BID: variants seen among roughly 807,000 people sequenced by gnomAD.
The protein encoded by BID is BH3-interacting domain death agonist.
In BID, 19 loss-of-function variants were observed where a neutral mutation model predicts 17.4. The ratio of observed to expected loss-of-function variants is 1.09; its 90% CI spans 0.76 to 1.60. The LOEUF (loss-of-function observed/expected upper bound fraction) is 1.60. Ranked by LOEUF, BID falls within the 40% of genes most tolerant of loss-of-function variation. The pLI is 0.00. For synonymous variants in BID, 108 were observed against 102.8 expected, an observed-to-expected ratio of 1.05 and a Z score of -0.31; for missense variants, 226 against 256.0, an observed-to-expected ratio of 0.88 and a Z score of 0.80.
chr22:17,736,486 C>T (rs987201917), intron 5 of BID, among the ~76,000 whole-genome samples: 1 of 150,306 alleles, frequency 6.7e-6, no homozygotes, highest in Non-Finnish European at 1.5e-5. Flanking sequence ...AATTCCCAAA[C>T]ATTCGCTAAT....
rs1482996740 is a variant in BID at position 17,735,081 on chromosome 22, C to CTAT, written c.*496_*498dup. On this transcript the variant is annotated 3_prime_UTR_variant, in exon 6 of 6. Transcript: ENST00000622694. The stretch of plus-strand genomic sequence containing the variant: ...TCCTTAGTATTAAGATAGATAGTCC[C>CTAT]TATTTTGAGTGGAATTTTTCATTTG... 6.5e-6 allele frequency: 1 copy of CTAT among 154,654 alleles called. No homozygotes were observed. Among genetic ancestry groups the CTAT allele is most frequent in the Non-Finnish European group, 1.4e-5 (1 of 69,786 alleles). 9.6% of individuals were successfully genotyped at this position (154,654 alleles called of 1,614,324 possible).
intron 1 of BID, among the ~76,000 whole-genome samples, chr22:17,752,024 G>A (rs1036319124): frequency 1.3e-5 from 2 of 152,212 alleles, no homozygotes; most frequent in Non-Finnish European, 1.5e-5. Flanking sequence ...TGGAATCCCC[G>A]CCCCTCACCA....
intron 4 of BID, among the ~76,000 whole-genome samples, chr22:17,738,649 C>A (rs1041586936): frequency 6.6e-6 from 1 of 152,124 alleles, no homozygotes; most frequent in African/African-American, 2.4e-5. Flanking sequence ...GACCGTCAGG[C>A]GGTCGGCGCA....
chr22:17,750,222 T>C (rs1309165491), intron 1 of BID, 48 bp from the exon 2 acceptor site: 1 of 1,521,650 alleles, frequency 6.6e-7, no homozygotes. Context: ...GAAGCCCTGG[T>C]CAGGACCCCT....
intron 1 of BID, among the ~76,000 whole-genome samples, chr22:17,751,378 C>CAA (rs771455561): frequency 3.7e-5 from 3 of 80,724 alleles, no homozygotes; most frequent in African/African-American, 8.7e-5. Context: ...GACTCCGTCT[C>CAA]AAAAAAAAAA....
intron 2 of BID, among the ~76,000 whole-genome samples, chr22:17,749,865 G>C (rs2061523310): frequency 1.3e-5 from 2 of 152,196 alleles, no homozygotes. Context: ...CCCCAGGCGC[G>C]GTGTGGAGGG....
intron 2 of BID, among the ~76,000 whole-genome samples, chr22:17,747,787 G>C (rs2061504463): frequency 6.6e-6 from 1 of 152,164 alleles, no homozygotes; most frequent in Admixed American, 6.6e-5. Flanking sequence ...GAAAGGAAAA[G>C]ATGGTGCTGG....
At chr22:17,739,548 C>A in intron 3 of BID, 60 bp from the exon 4 acceptor site, 1 of 1,563,530 alleles carries the variant, frequency 6.4e-7, no homozygotes, top group Non-Finnish European at 8.7e-7. Context: ...CTGATACCCT[C>A]TCCCACACCA....
intron 1 of BID, chr22:17,764,118 A>G (rs1317634115): frequency 6.5e-6 from 1 of 154,490 alleles, no homozygotes; most frequent in African/African-American, 2.4e-5. Context: ...ATCCTGTAGG[A>G]AGTGGTGGGA....
chr22:17,757,284 G>A (rs897125808), intron 1 of BID, among the ~76,000 whole-genome samples: 2 of 151,478 alleles, frequency 1.3e-5, no homozygotes, highest in African/African-American at 4.9e-5. Context: ...GCATGGTGGC[G>A]TGTGCCTGTA....
chr22:17,750,624 C>T (rs1161794120), intron 1 of BID, among the ~76,000 whole-genome samples: 1 of 152,132 alleles, frequency 6.6e-6, no homozygotes, highest in Middle Eastern at 3.4e-3. Flanking sequence ...GTCAGGAGAT[C>T]GAGACCACCC....
chr22:17,750,237 AG>A (rs1262268223), intron 1 of BID, 63 bp from the exon 2 acceptor site: 1 of 1,395,156 alleles, frequency 7.2e-7, no homozygotes, highest in Non-Finnish European at 1.0e-6. Flanking sequence ...ACCCCTCGGG[AG>A]GACGACGAAG....
chr22:17,743,806 C>A lies in BID; in HGVS notation c.220G>T (p.Ala74Ser). ...SSHSRLGRIE[A>S]DSESQEDIIR... ...GGAGGTGGGGCCGGCCGCCTACCTG[C>A]CTCTATTCTTCCCAAGCGGGAGTGG... The change falls in exon 3 of 6, where the codon GCA becomes TCA. Residue 74 changes from alanine to serine, a missense_variant. Physicochemically the swap from Ala to Ser is moderately conservative, Grantham distance 99 (BLOSUM62 1). Coordinates refer to ENST00000622694, the MANE Select transcript of BID (RefSeq NM_001196.4). 1.9e-6 allele frequency: 3 copies of A among 1,611,636 alleles called. No individual in the cohort carries two copies. Among genetic ancestry groups the A allele is most frequent in the Non-Finnish European group, 1.7e-6 (2 of 1,179,246 alleles).
intron 2 of BID, 38 bp downstream of exon 2, chr22:17,750,066 GC>G (rs1601851375): frequency 3.8e-6 from 6 of 1,597,788 alleles, no homozygotes; most frequent in Non-Finnish European, 5.1e-6. Context: ...CCTCGACCCC[GC>G]CCCCCACAAG....
chr22:17,742,851 GC>G, intron 3 of BID, among the ~76,000 whole-genome samples: 1 of 152,272 alleles, frequency 6.6e-6, no homozygotes, highest in East Asian at 1.9e-4. Flanking sequence ...GCCTCCACTC[GC>G]CCCCAGCCTC....
At chr22:17,754,887 C>T (rs1286524175) in intron 1 of BID, among the ~76,000 whole-genome samples, 1 of 151,998 alleles carries the variant, frequency 6.6e-6, no homozygotes, top group Non-Finnish European at 1.5e-5. Flanking sequence ...GCCTTAGCCT[C>T]CTGAGTAACT....
intron 1 of BID, among the ~76,000 whole-genome samples, chr22:17,771,245 G>A (rs1569055878): frequency 6.6e-6 from 1 of 152,058 alleles, no homozygotes. Flanking sequence ...GACTATGGGC[G>A]CCCCCCACCA....
chr22:17,740,972 C>G (rs1322668680), intron 3 of BID: 1 of 152,200 alleles, frequency 6.6e-6, no homozygotes, highest in South Asian at 2.1e-4. Context: ...TAGATGCCAG[C>G]TATTGTTATT....
chr22:17,761,122 T>A (rs1340007137), intron 1 of BID, among the ~76,000 whole-genome samples: 1 of 152,190 alleles, frequency 6.6e-6, no homozygotes, highest in Non-Finnish European at 1.5e-5. Context: ...TCTATGGTAT[T>A]TTTCTTTTTA....
Sources: gnomAD v4.1 joint callset for allele counts (sites outside exome capture counted in the v4.1 genomes callset) on GRCh38, gnomAD v4.1.1 for gene constraint, MANE v1.5 for transcripts, NCBI Gene and HGNC (gene_info 2026-07-23, HGNC 2026-07-21) for gene names.